Variants in KDM1A observed in about 807,000 individuals in gnomAD.
KDM1A encodes lysine demethylase 1A.
Under a neutral mutation model 109.4 loss-of-function variants are expected in KDM1A, and 49 were observed. The observed-to-expected ratio is 0.45, with a 90% CI of 0.36 to 0.57. KDM1A has a LOEUF of 0.57. Ranked by LOEUF, KDM1A falls within the 20% of genes least tolerant of loss-of-function variation. The probability of loss-of-function intolerance (pLI) is 0.00; values close to 1 mark genes in which losing one functional copy is unlikely to be tolerated. For missense variants in KDM1A, 668 were observed against 1,116.6 expected (o/e 0.60, Z 5.73); for synonymous variants, 380 against 415.4 (o/e 0.91, Z 1.04).
At chr1:23,050,284 A>C in intron 3 of KDM1A, 103 bp from the exon 4 acceptor site, 1 of 1,231,930 alleles carries the variant, frequency 8.1e-7, no homozygotes, top group Non-Finnish European at 1.1e-6. Flanking sequence ...AAAATTTTTT[A>C]AAAAGGTCAG....
At chr1:23,020,888 CTG>C (rs989389489) in intron 1 of KDM1A, among the ~76,000 whole-genome samples, 5 of 152,170 alleles carry the variant, frequency 3.3e-5, no homozygotes, top group Non-Finnish European at 5.9e-5. Context: ...ACATGGGACA[CTG>C]TGTGCAGGGC....
Position 23,021,858 on chromosome 1 carries a change from C to T in KDM1A, c.351+1911C>T, listed in dbSNP as rs565143095. The stretch of plus-strand genomic sequence containing the variant: ...GTCACTCCCCAGTCCTCCCTACCCC[C>T]AGTCCCTGGCAACCACTAATCTACT... On this transcript the variant is annotated intron_variant, in intron 1 of 20. Coordinates refer to ENST00000400181, the MANE Select transcript of KDM1A (RefSeq NM_001009999.3). Among the ~76,000 whole-genome samples the T allele has an allele frequency of 3.3e-5, 5 of 152,354 alleles. No individual in the cohort carries two copies. The South Asian group carries it at 1.0e-3, about 32-fold the overall frequency.
intron 2 of KDM1A, among the ~76,000 whole-genome samples, chr1:23,036,461 C>A: frequency 6.6e-6 from 1 of 150,510 alleles, no homozygotes; most frequent in African/African-American, 2.4e-5. Context: ...CCCTCCCCCG[C>A]CCCCTCACCA....
intron 3 of KDM1A, 143 bp from the exon 4 acceptor site, chr1:23,050,244 C>A: frequency 2.7e-6 from 2 of 750,634 alleles, no homozygotes; most frequent in Non-Finnish European, 3.9e-6. Flanking sequence ...TGGCTAATAT[C>A]TAAGGAAGTT....
At chr1:23,042,156 G>A (rs1222219847) in intron 2 of KDM1A, among the ~76,000 whole-genome samples, 1 of 152,024 alleles carries the variant, frequency 6.6e-6, no homozygotes, top group East Asian at 1.9e-4. Context: ...TTTTTGTTTT[G>A]TCGGTTTTTT....
intron 8 of KDM1A, chr1:23,057,817 T>TTG: frequency 3.5e-6 from 1 of 284,020 alleles, no homozygotes; most frequent in South Asian, 4.8e-5. Flanking sequence ...TTTTTTTTTT[T>TTG]TTGTGAGACA....
rs1643305687 is a variant in KDM1A, at chr1:23,071,087, T to C, written c.1414-138T>C. On this transcript the variant is annotated intron_variant, in intron 12 of 20. Transcript: ENST00000400181. The stretch of plus-strand genomic sequence containing the variant: ...GAATGATGTAGGTTAGAACAAGTAC[T>C]TAAGAATTCTCAGGACCTTGCATTG... 13 of 653,810 alleles carry C rather than the reference T, an allele frequency of 2.0e-5. No individual in the cohort carries two copies. The South Asian group carries it at 2.6e-4, about 13-fold the overall frequency. The allele number at this position is 653,810 out of a possible 1,614,324, so 40.5% of individuals were successfully genotyped here.
chr1:23,042,295 C>A, intron 2 of KDM1A, among the ~76,000 whole-genome samples: 1 of 151,748 alleles, frequency 6.6e-6, no homozygotes. Context: ...AAGTGTGATT[C>A]TTGGAAACTA....
In KDM1A at chr1:23,055,054, C is replaced by T; in HGVS notation, c.791-15C>T. The T allele has an allele frequency of 6.6e-7, 1 of 1,515,100 alleles. No homozygotes were observed. Among genetic ancestry groups the T allele is most frequent in the South Asian group, 1.2e-5 (1 of 84,476 alleles). The allele number at this position is 1,515,100 out of a possible 1,614,324, so 93.9% of individuals were successfully genotyped here. Reference sequence around the variant, plus strand: ...CTGAAAATAAAACCGTGTTTTTAATCCACTTATTCTGTAGGTGATACTGTG... The same window carrying T: ...CTGAAAATAAAACCGTGTTTTTAATTCACTTATTCTGTAGGTGATACTGTG... On this transcript the variant is annotated splice_polypyrimidine_tract_variant and intron_variant, in intron 5 of 20. Coordinates refer to ENST00000400181, the MANE Select transcript of KDM1A (RefSeq NM_001009999.3).
At chr1:23,029,220 A>C (rs1341361174) in intron 1 of KDM1A, among the ~76,000 whole-genome samples, 1 of 152,232 alleles carries the variant, frequency 6.6e-6, no homozygotes, top group Non-Finnish European at 1.5e-5. Flanking sequence ...TACATTCACT[A>C]TAATCCACAG....
In KDM1A at chr1:23,069,083, G is replaced by C. The variant is rs1643233894; in HGVS notation, c.1345G>C (p.Asp449His). The C allele has an allele frequency of 6.2e-7, 1 of 1,610,184 alleles. No homozygotes were observed. The highest frequency in any genetic ancestry group is 1.7e-5 in the Admixed American group (1 of 59,454). Reference sequence around the variant, plus strand: ...TAGGTTACAAGAGAAGCATGTCAAAGATGAGCAGATTGAACATTGGAAGAA... The same window carrying C: ...TAGGTTACAAGAGAAGCATGTCAAACATGAGCAGATTGAACATTGGAAGAA... ...VIQLQEKHVK[D>H]EQIEHWKKIV... is the part of the protein sequence containing the mutation. Residue 449 changes from aspartate (D) to histidine (H), a missense_variant, in exon 12 of 21, where the codon GAT becomes CAT. Asp to His is a moderately conservative substitution (Grantham distance 81). This residue lies in a region of KDM1A where 62 missense variants were observed against 82.8 expected (regional missense o/e 0.75). Transcript: ENST00000400181.
At chr1:23,026,328 A>AG (rs1323088190) in intron 1 of KDM1A, among the ~76,000 whole-genome samples, 1 of 151,788 alleles carries the variant, frequency 6.6e-6, no homozygotes, top group East Asian at 1.9e-4. Context: ...GTTATGATAT[A>AG]GGAATGCAAC....
At chr1:23,023,325 C>T (rs1357409918) in intron 1 of KDM1A, among the ~76,000 whole-genome samples, 2 of 152,136 alleles carry the variant, frequency 1.3e-5, no homozygotes, top group African/African-American at 4.8e-5. Flanking sequence ...ATGTTTTCTT[C>T]TAAGAGTTTT....
chr1:23,082,091 C>A, intron 19 of KDM1A, 129 bp from the exon 20 acceptor site: 1 of 909,076 alleles, frequency 1.1e-6, no homozygotes, highest in South Asian at 1.7e-5. Flanking sequence ...ATCACTTGAT[C>A]ACTGGCTCTC....
intron 7 of KDM1A, among the ~76,000 whole-genome samples, chr1:23,056,502 T>C (rs1484466307): frequency 2.0e-5 from 3 of 152,120 alleles, no homozygotes; most frequent in Non-Finnish European, 4.4e-5. Flanking sequence ...TAAGGGATAA[T>C]GGCACACAGT....
At chr1:23,078,178 A>G (rs4655145) in intron 16 of KDM1A, among the ~76,000 whole-genome samples, 121,035 of 152,042 alleles carry the variant, frequency 0.8, 48,706 homozygotes, top group East Asian at 0.88. Flanking sequence ...ACTAACAATC[A>G]GTGAAACAGT....
chr1:23,019,996 CCCGAGGCTTCT>C, intron 1 of KDM1A, 49 bp downstream of exon 1: 1 of 1,416,758 alleles, frequency 7.1e-7, no homozygotes, highest in Non-Finnish European at 9.2e-7. Flanking sequence ...GCCGAGCTTC[CCCGAGGCTTCT>C]CCGCCCTCCC....
rs1013632510 is a variant in KDM1A, at chr1:23,049,738, A to G, written c.578-649A>G. On this transcript the variant is annotated intron_variant, in intron 3 of 20. Transcript: ENST00000400181. The stretch of plus-strand genomic sequence containing the variant: ...TTTACTTGCAGTGTATAGTGTATGT[A>G]TACACTATATGTATATGTGTTATAG... Among the ~76,000 whole-genome samples the G allele has an allele frequency of 3.3e-5, 5 of 152,162 alleles. No homozygotes were observed. In the East Asian group the frequency reaches 7.7e-4, roughly 23 times the overall value.
chr1:23,022,317 C>A (rs879458607), intron 1 of KDM1A, among the ~76,000 whole-genome samples: 11 of 92,140 alleles, frequency 1.2e-4, no homozygotes, highest in Admixed American at 5.0e-4. Context: ...CTCCAATGTT[C>A]TTCTTCGTTT....
Sources: gnomAD v4.1 joint callset for allele counts (sites outside exome capture counted in the v4.1 genomes callset) on GRCh38, gnomAD v4.1.1 for gene constraint, gnomAD v4.1.1 regional missense constraint, MANE v1.5 for transcripts, NCBI Gene and HGNC (gene_info 2026-07-23, HGNC 2026-07-21) for gene names.